CATSPERE: variants seen among roughly 807,000 people sequenced by gnomAD.
CATSPERE encodes the protein catsper channel auxiliary subunit epsilon, also known as cation channel sperm-associated auxiliary subunit epsilon.
Under a neutral mutation model 114.1 loss-of-function variants are expected in CATSPERE, and 93 were observed. The ratio of observed to expected loss-of-function variants is 0.81; its 90% CI spans 0.69 to 0.97. CATSPERE has a LOEUF of 0.97. Ranked by LOEUF, CATSPERE falls within the 50% of genes least tolerant of loss-of-function variation. The probability of loss-of-function intolerance (pLI) is 0.00; values close to 1 mark genes in which losing one functional copy is unlikely to be tolerated. For synonymous variants in CATSPERE, 341 were observed against 384.1 expected (o/e 0.89, Z 1.31); for missense variants, 1,058 against 1,131.6 (o/e 0.93, Z 0.93).
At chr1:244,494,906 G>A (rs1672856121) in intron 6 of CATSPERE, among the ~76,000 whole-genome samples, 1 of 152,044 alleles carries the variant, frequency 6.6e-6, no homozygotes, top group Non-Finnish European at 1.5e-5. Context: ...TATTTTTTGA[G>A]GCTACAACTA....
At chr1:244,557,001 T>C (rs761757281) in intron 9 of CATSPERE, among the ~76,000 whole-genome samples, 58 of 152,334 alleles carry the variant, frequency 3.8e-4, no homozygotes, top group Non-Finnish European at 7.5e-4. Context: ...GATTGTGTTC[T>C]TTGCATTATT....
intron 2 of CATSPERE, among the ~76,000 whole-genome samples, chr1:244,471,159 G>A (rs1668418390): frequency 6.6e-6 from 1 of 152,094 alleles, no homozygotes; most frequent in African/African-American, 2.4e-5. Flanking sequence ...ATTGTATGAC[G>A]TGAATTATAT....
At chr1:244,468,458 A>C (rs1667964079) in intron 2 of CATSPERE, among the ~76,000 whole-genome samples, 1 of 152,216 alleles carries the variant, frequency 6.6e-6, no homozygotes, top group Admixed American at 6.5e-5. Context: ...TGTAGGTGGC[A>C]GAAATGGTCC....
At chr1:244,621,084 AAT>A (rs1672114346) in intron 20 of CATSPERE, among the ~76,000 whole-genome samples, 2 of 69,234 alleles carry the variant, frequency 2.9e-5, no homozygotes, top group East Asian at 3.6e-4. Flanking sequence ...TATATATATA[AAT>A]ATATATAAAA....
intron 6 of CATSPERE, among the ~76,000 whole-genome samples, chr1:244,496,167 C>A (rs762860138): frequency 1.3e-5 from 2 of 152,122 alleles, no homozygotes; most frequent in African/African-American, 4.8e-5. Context: ...TTAAACTAAA[C>A]AATTAAGACC....
chr1:244,533,388 T>C (rs1679914858), intron 8 of CATSPERE, among the ~76,000 whole-genome samples: 1 of 152,150 alleles, frequency 6.6e-6, no homozygotes, highest in Non-Finnish European at 1.5e-5. Flanking sequence ...GATGTACTCC[T>C]GTGATTTTGT....
intron 2 of CATSPERE, among the ~76,000 whole-genome samples, chr1:244,469,855 A>G (rs1054129004): frequency 2.0e-5 from 3 of 152,196 alleles, no homozygotes; most frequent in African/African-American, 7.2e-5. Flanking sequence ...TGGTACTGAC[A>G]TAGGATAGGA....
At chr1:244,516,100 G>A (rs1308104528) in intron 7 of CATSPERE, among the ~76,000 whole-genome samples, 1 of 151,532 alleles carries the variant, frequency 6.6e-6, no homozygotes, top group Non-Finnish European at 1.5e-5. Flanking sequence ...CTGAGGTTGG[G>A]CGATCGCTTG....
intron 19 of CATSPERE, 68 bp from the exon 20 acceptor site, chr1:244,617,461 G>A: frequency 1.6e-6 from 2 of 1,213,326 alleles, no homozygotes; most frequent in East Asian, 2.7e-5. Context: ...CAAGATAAAT[G>A]AGACTATAAT....
chr1:244,578,679 GTC>G (rs916810480), intron 11 of CATSPERE, among the ~76,000 whole-genome samples: 23 of 145,152 alleles, frequency 1.6e-4, no homozygotes, highest in Non-Finnish European at 2.4e-4. Context: ...CTCTCTCTCT[GTC>G]TCTCTCTCTC....
At chr1:244,541,889 C>A (rs1259182069) in intron 8 of CATSPERE, among the ~76,000 whole-genome samples, 1 of 141,250 alleles carries the variant, frequency 7.1e-6, no homozygotes, top group African/African-American at 2.6e-5. Flanking sequence ...TCATCATTCT[C>A]AGTAAACTAT....
At chr1:244,609,947 T>G (rs1009130664) in intron 18 of CATSPERE, among the ~76,000 whole-genome samples, 1 of 152,186 alleles carries the variant, frequency 6.6e-6, no homozygotes, top group Non-Finnish European at 1.5e-5. Flanking sequence ...CTTGAGAGGC[T>G]GAGGCAGGAG....
At chr1:244,576,671 G>T (rs1160055198) in intron 11 of CATSPERE, among the ~76,000 whole-genome samples, 1 of 151,906 alleles carries the variant, frequency 6.6e-6, no homozygotes, top group Non-Finnish European at 1.5e-5. Context: ...ATCATAATGT[G>T]AGCATTTTAC....
At chr1:244,557,635 A>G (rs1472605145) in intron 9 of CATSPERE, among the ~76,000 whole-genome samples, 1 of 130,992 alleles carries the variant, frequency 7.6e-6, no homozygotes, top group Admixed American at 8.5e-5. Flanking sequence ...CAGTTTTACT[A>G]TGTGCCTAGA....
chr1:244,536,000 T>G (rs1417031709), intron 8 of CATSPERE, among the ~76,000 whole-genome samples: 1 of 152,028 alleles, frequency 6.6e-6, no homozygotes, highest in Non-Finnish European at 1.5e-5. Flanking sequence ...GACTGGGTCC[T>G]TCTCTTCAAG....
At chr1:244,566,652 C>CTTTTTTT (rs59466928) in intron 10 of CATSPERE, among the ~76,000 whole-genome samples, 58 of 48,998 alleles carry the variant, frequency 1.2e-3, no homozygotes, top group South Asian at 2.0e-3. Flanking sequence ...GCAACCCCTG[C>CTTTTTTT]TTTTTTTTTT....
At chr1:244,523,794 CT>C (rs1249568586) in intron 8 of CATSPERE, among the ~76,000 whole-genome samples, 4 of 144,510 alleles carry the variant, frequency 2.8e-5, no homozygotes, top group African/African-American at 1.1e-4. Flanking sequence ...TGTGAAGGAC[CT>C]CTTCAAGGAG....
intron 9 of CATSPERE, among the ~76,000 whole-genome samples, chr1:244,560,034 C>A (rs1662308434): frequency 1.3e-5 from 2 of 151,788 alleles, no homozygotes; most frequent in Admixed American, 6.6e-5. Context: ...GCTCTGTCAC[C>A]CAGGCTGGAG....
chr1:244,519,453 C>T (rs1677166381), intron 8 of CATSPERE, among the ~76,000 whole-genome samples: 1 of 152,172 alleles, frequency 6.6e-6, no homozygotes, highest in African/African-American at 2.4e-5. Context: ...ACTTGATTCC[C>T]TGTTGGGGCC....
Sources: allele counts gnomAD v4.1 joint callset (sites outside exome capture counted in the v4.1 genomes callset), GRCh38; gene constraint gnomAD v4.1.1; transcripts MANE v1.5; gene names NCBI Gene and HGNC (gene_info 2026-07-23, HGNC 2026-07-21).